The following SETX variants were observed in gnomAD, a reference collection of about 807,000 sequenced individuals.
SETX encodes helicase senataxin.
A neutral mutation model predicts 227.2 loss-of-function variants in SETX; 90 were observed. The observed-to-expected ratio is 0.40, with a 90% confidence interval of 0.33 to 0.47. The LOEUF (loss-of-function observed/expected upper bound fraction) is 0.47. Among genes scored for constraint, SETX ranks in the 20% least tolerant of loss-of-function variants. SETX has a pLI of 0.91. For synonymous variants in SETX, 1,210 were observed against 1,113.2 expected (o/e 1.09, Z -1.73); for missense variants, 3,052 against 3,181.5 (o/e 0.96, Z 0.98).
At chr9:132,338,672 T>C (rs1262020746) in intron 5 of SETX, among the ~76,000 whole-genome samples, 2 of 152,208 alleles carry the variant, frequency 1.3e-5, no homozygotes, top group East Asian at 3.8e-4. Flanking sequence ...TTATTAGCTA[T>C]TGGTAGTTCC....
intron 10 of SETX, among the ~76,000 whole-genome samples, chr9:132,320,613 A>C (rs1846262891): frequency 6.6e-6 from 1 of 151,568 alleles, no homozygotes; most frequent in African/African-American, 2.4e-5. Flanking sequence ...AAAAAAAAAA[A>C]AAAAACTAAA....
In SETX at chr9:132,311,206, C is replaced by A. The variant is rs528853672; in HGVS notation, c.5374+551G>T. ...GGTCTCGATCTCTTGACCTGGTGATCCCCGCCCGCCTCGGCCTCCCAAAGT... is the reference window on the plus strand; with the variant it reads ...GGTCTCGATCTCTTGACCTGGTGATACCCGCCCGCCTCGGCCTCCCAAAGT... On this transcript the variant is annotated intron_variant, in intron 11 of 25. Transcript: ENST00000224140. Among the ~76,000 whole-genome samples, 6 of 152,174 alleles carry A rather than the reference C, an allele frequency of 3.9e-5. No homozygotes were observed. The South Asian group carries it at 1.2e-3, about 32-fold the overall frequency.
chr9:132,307,007 C>A (rs573312889), intron 11 of SETX, among the ~76,000 whole-genome samples: 37 of 152,328 alleles, frequency 2.4e-4, no homozygotes, highest in African/African-American at 8.7e-4. Context: ...GTAATCCCTG[C>A]ACTTTGGGAG....
chr9:132,313,656 G>A (rs1351706367), intron 10 of SETX, among the ~76,000 whole-genome samples: 1 of 152,060 alleles, frequency 6.6e-6, no homozygotes, highest in Non-Finnish European at 1.5e-5. Context: ...ATCATAAATT[G>A]CATGAGCTAG....
intron 25 of SETX, among the ~76,000 whole-genome samples, chr9:132,265,729 A>G (rs927111874): frequency 6.6e-6 from 1 of 152,236 alleles, no homozygotes; most frequent in African/African-American, 2.4e-5. Flanking sequence ...CATTTCCGTT[A>G]TCACAGAAAG....
At chr9:132,281,057 CAA>C (rs1308860619) in intron 20 of SETX, among the ~76,000 whole-genome samples, 1 of 152,110 alleles carries the variant, frequency 6.6e-6, no homozygotes, top group Non-Finnish European at 1.5e-5. Flanking sequence ...CATATTTAAA[CAA>C]AAATGAGGAG....
At chr9:132,313,026 A>G (rs1845755789) in intron 10 of SETX, among the ~76,000 whole-genome samples, 1 of 152,218 alleles carries the variant, frequency 6.6e-6, no homozygotes, top group Admixed American at 6.5e-5. Flanking sequence ...TGACATTTCC[A>G]GAAGAGGCAG....
chr9:132,275,118 G>A, intron 23 of SETX, 138 bp downstream of exon 23: 1 of 886,546 alleles, frequency 1.1e-6, no homozygotes, highest in Non-Finnish European at 1.8e-6. Flanking sequence ...ATGAAAGCCA[G>A]CAGCATCCCA....
chr9:132,349,210 C>T (rs754589939), intron 3 of SETX, 42 bp downstream of exon 3: 4 of 1,576,312 alleles, frequency 2.5e-6, no homozygotes, highest in Non-Finnish European at 3.5e-6. Context: ...CTCTTCCCAG[C>T]TATCAAGCTC....
rs999943695 is a variant in SETX, at chr9:132,347,457, C to G, written c.178-986G>C. On this transcript the variant is annotated intron_variant, in intron 3 of 25. Transcript: ENST00000224140. ...CCTCCTGAGTAGCTGGGATTACAGG[C>G]GCCCACCACCACGCCTGGCTAATTT... 2.6e-5 allele frequency among the ~76,000 whole-genome samples: 4 copies of G among 151,448 alleles called. No homozygotes were observed. In the East Asian group the frequency reaches 5.9e-4, roughly 22 times the overall value.
In SETX at chr9:132,327,299, A is replaced by G. The variant is rs753785478; in HGVS notation, c.4299T>C (p.Thr1433=). The G allele has an allele frequency of 9.9e-6, 16 of 1,614,224 alleles. No individual in the cohort carries two copies. The Admixed American group carries it at 1.0e-4, about 10-fold the overall frequency. Residue 1433 remains threonine, a synonymous_variant, in exon 10 of 26, where the codon ACT becomes ACC. Transcript: ENST00000224140. ...ACTGGTTCAAAGGGCAAGCATCATCAGTTGCTGGAGACCCATGTTTTGCTT... is the reference window on the plus strand; with the variant it reads ...ACTGGTTCAAAGGGCAAGCATCATCGGTTGCTGGAGACCCATGTTTTGCTT... The part of the protein sequence containing the change: ...TIKAKHGSPA[T]DDACPLNQCD...
intron 11 of SETX, among the ~76,000 whole-genome samples, chr9:132,310,008 A>C (rs997720806): frequency 6.6e-6 from 1 of 152,244 alleles, no homozygotes; most frequent in African/African-American, 2.4e-5. Flanking sequence ...CACTAAAAAG[A>C]GTCAGTATGT....
In SETX at chr9:132,263,782, G is replaced by A; in HGVS notation, c.*457C>T. Reference sequence around the variant, plus strand: ...AATTATCTGTCTTGCTCTAACAATGGTTGAAAGGACCCGCCCTCCTCCCAT... The same window carrying A: ...AATTATCTGTCTTGCTCTAACAATGATTGAAAGGACCCGCCCTCCTCCCAT... On this transcript the variant is annotated 3_prime_UTR_variant, in exon 26 of 26. Transcript: ENST00000224140. 5.5e-6 allele frequency: 1 copy of A among 182,088 alleles called. No homozygotes were observed. Among genetic ancestry groups the A allele is most frequent in the Non-Finnish European group, 1.2e-5 (1 of 86,216 alleles). The allele number at this position is 182,088 out of a possible 1,614,324, so 11.3% of individuals were successfully genotyped here. A position where few individuals can be genotyped will look rare whatever the true frequency, so the allele number is the denominator to read the frequency against.
intron 13 of SETX, among the ~76,000 whole-genome samples, 194 bp downstream of exon 13, chr9:132,297,886 T>C (rs1844762592): frequency 2.0e-5 from 3 of 152,236 alleles, no homozygotes; most frequent in Admixed American, 2.0e-4. Context: ...CGACGCTTAT[T>C]GTACTGTACC....
At chr9:132,297,940 A>C in intron 13 of SETX, 140 bp downstream of exon 13, 1 of 726,722 alleles carries the variant, frequency 1.4e-6, no homozygotes, top group Non-Finnish European at 2.3e-6. Flanking sequence ...CATACTTTGC[A>C]ATACTAAAGA....
At chr9:132,287,271 G>A (rs1041256082) in intron 17 of SETX, among the ~76,000 whole-genome samples, 4 of 152,234 alleles carry the variant, frequency 2.6e-5, no homozygotes, top group African/African-American at 9.6e-5. Flanking sequence ...GACTGCTTGA[G>A]GCAAGAAGTT....
intron 20 of SETX, 126 bp downstream of exon 20, chr9:132,281,341 T>C: frequency 1.4e-6 from 1 of 697,228 alleles, no homozygotes; most frequent in Non-Finnish European, 2.6e-6. Flanking sequence ...TTCTCTTTTC[T>C]TAGTTACTGC....
intron 10 of SETX, among the ~76,000 whole-genome samples, chr9:132,315,142 G>A (rs1322421693): frequency 6.6e-6 from 1 of 152,048 alleles, no homozygotes; most frequent in Non-Finnish European, 1.5e-5. Context: ...TCAAACTCCT[G>A]ACCTCAAGTG....
intron 22 of SETX, among the ~76,000 whole-genome samples, chr9:132,276,379 A>T (rs13287583): frequency 0.17 from 25,239 of 152,104 alleles, 2,163 homozygotes; most frequent in East Asian, 0.29. Context: ...AGTGTTCCCT[A>T]CTTCCACCTC....
Sources: allele counts gnomAD v4.1 joint callset (sites outside exome capture counted in the v4.1 genomes callset), GRCh38; gene constraint gnomAD v4.1.1; transcripts MANE v1.5; gene names NCBI Gene and HGNC (gene_info 2026-07-23, HGNC 2026-07-21).